ABCA13: variants seen among roughly 807,000 people sequenced by gnomAD.
ABCA13 encodes the protein ATP-binding cassette sub-family A member 13.
In ABCA13, 476 loss-of-function variants were observed where a neutral mutation model predicts 478.7. That is an observed-to-expected ratio of 0.99 (90% confidence interval 0.92 to 1.07). ABCA13 has a LOEUF of 1.07. ABCA13 is among the 50% of genes least tolerant of loss of function. ABCA13 has a pLI of 0.00. For missense variants in ABCA13, 6,060 were observed against 5,910.6 expected (o/e 1.03, Z -0.83); for synonymous variants, 2,252 against 2,158.9 (o/e 1.04, Z -1.20).
chr7:48,482,409 T>C (rs1247715967), intron 46 of ABCA13, among the ~76,000 whole-genome samples: 2 of 150,392 alleles, frequency 1.3e-5, no homozygotes, highest in Non-Finnish European at 1.5e-5. Context: ...TGAAATGGAG[T>C]CTTGCTCTGT....
intron 16 of ABCA13, 89 bp downstream of exon 16, chr7:48,269,183 A>G (rs1795267389): frequency 2.9e-6 from 2 of 694,782 alleles, no homozygotes; most frequent in South Asian, 3.7e-5. Flanking sequence ...CACTCTTTAA[A>G]ATTTATGAGC....
At chr7:48,178,612 C>G (rs1583979996) in intron 1 of ABCA13, among the ~76,000 whole-genome samples, 1 of 151,564 alleles carries the variant, frequency 6.6e-6, no homozygotes, top group East Asian at 1.9e-4. Flanking sequence ...GAGGCAGAGG[C>G]TGCAGTGAGC....
chr7:48,239,870 G>A (rs1307859111), intron 9 of ABCA13, among the ~76,000 whole-genome samples: 3 of 152,210 alleles, frequency 2.0e-5, no homozygotes, highest in Non-Finnish European at 2.9e-5. Context: ...TTAACAACAC[G>A]AAGGGAGGCT....
chr7:48,219,470 TA>T lies in ABCA13; in HGVS notation c.409del (p.Arg137AspfsTer4). 6.2e-7 allele frequency: 1 copy of T among 1,613,020 alleles called. No homozygotes were observed. Among genetic ancestry groups the T allele is most frequent in the Non-Finnish European group, 8.5e-7 (1 of 1,179,562 alleles). On this transcript the variant is annotated frameshift_variant, in exon 4 of 62. Transcript: ENST00000435803. LOFTEE classifies it high-confidence loss of function. ...GGAATGATGGACAAGGCAAAAAACTTAAAAAGACTTTGGGTAGAACGATCCA... is the reference window on the plus strand; with the variant it reads ...GGAATGATGGACAAGGCAAAAAACTTAAAAGACTTTGGGTAGAACGATCCA... ...IHGMMDKAKNLKRLWVERSNT... is the reference protein window; with the variant it reads ...IHGMMDKAKNXKRLWVERSNT...
chr7:48,293,534 A>G (rs1487804684), intron 20 of ABCA13, among the ~76,000 whole-genome samples: 3 of 152,252 alleles, frequency 2.0e-5, no homozygotes, highest in South Asian at 2.1e-4. Context: ...AATGTGATGA[A>G]GCAAATAAAT....
In ABCA13 at chr7:48,272,631, A is replaced by C; in HGVS notation, c.2965A>C (p.Thr989Pro). ...TAGAGGCTCTTCGTTGACTTTCCTT[A>C]CACAAATCTCAAAACACATTTTGGA... ...QSRGSSLTFL[T>P]QISKHILDII... Residue 989 changes from threonine to proline, a missense_variant, in exon 17 of 62, where the codon ACA becomes CCA. Transcript: ENST00000435803. 6.2e-7 allele frequency: 1 copy of C among 1,613,218 alleles called. No homozygotes were observed. The highest frequency in any genetic ancestry group is 1.1e-5 in the South Asian group (1 of 91,042).
rs1789423016 is a variant in ABCA13 at position 48,588,528 on chromosome 7, C to G, written c.14640+1240C>G. 2.0e-5 allele frequency among the ~76,000 whole-genome samples: 3 copies of G among 152,190 alleles called. No individual in the cohort carries two copies. The South Asian group carries it at 6.2e-4, about 32-fold the overall frequency. ...TTTCCTTGGATGCCCAAACCTGTGA[C>G]AGAGTGGTCAAGGTGGGGACTCTGG... On this transcript the variant is annotated intron_variant, in intron 57 of 61. Transcript: ENST00000435803.
chr7:48,524,297 G>A lies in ABCA13; in HGVS notation c.14101G>A (p.Val4701Ile). ...GTVKSSKDTD[V>I]EKEEKRVFEG... ...AGTCAAATCTTCTAAGGATACAGAT[G>A]TTGAAAAAGAGGAAAAGAGAGTGTT... Residue 4701 changes from valine to isoleucine, a missense_variant, in exon 54 of 62, where the codon GTT (valine) becomes ATT (isoleucine). This residue lies in a region of ABCA13 where 1,627 missense variants were observed against 1,571.0 expected (regional missense o/e 1.04). Coordinates refer to ENST00000435803, the MANE Select transcript of ABCA13 (RefSeq NM_152701.5). 1 of 1,612,876 alleles carries A rather than the reference G, an allele frequency of 6.2e-7. No homozygotes were observed. Among genetic ancestry groups the A allele is most frequent in the Non-Finnish European group, 8.5e-7 (1 of 1,179,444 alleles).
At chr7:48,636,658 A>G (rs1794661103) in intron 59 of ABCA13, among the ~76,000 whole-genome samples, 1 of 152,194 alleles carries the variant, frequency 6.6e-6, no homozygotes, top group South Asian at 2.1e-4. Flanking sequence ...AAATGTATCA[A>G]TAATTCCATG....
Position 48,248,342 on chromosome 7 carries a change from C to A in ABCA13, c.1763C>A (p.Ala588Glu), listed in dbSNP as rs764447898. ...GAACTTGAGATGCAGCTGTCAGAAG[C>A]AAGCCTTTCCTGTACTCGGCTCTTC... ...WQELEMQLSE[A>E]SLSCTRLFLL... Residue 588 changes from alanine to glutamate, a missense_variant, in exon 14 of 62, where the codon GCA becomes GAA. Physicochemically the swap from Ala to Glu is moderately radical, Grantham distance 107. This residue lies in a region of ABCA13 where 4,423 missense variants were observed against 4,309.1 expected (regional missense o/e 1.03). Coordinates refer to ENST00000435803, the MANE Select transcript of ABCA13 (RefSeq NM_152701.5). The A allele has an allele frequency of 2.5e-6, 4 of 1,613,852 alleles. No homozygotes were observed. The highest frequency in any genetic ancestry group is 3.4e-6 in the Non-Finnish European group (4 of 1,179,786).
chr7:48,266,408 T>C (rs1248933383), intron 15 of ABCA13, among the ~76,000 whole-genome samples: 4 of 151,836 alleles, frequency 2.6e-5, no homozygotes, highest in African/African-American at 9.7e-5. Flanking sequence ...TTAGGGTTTT[T>C]TATTAGAAGA....
intron 43 of ABCA13, among the ~76,000 whole-genome samples, chr7:48,459,023 C>T (rs1199928744): frequency 1.3e-5 from 2 of 152,150 alleles, no homozygotes; most frequent in Non-Finnish European, 2.9e-5. Flanking sequence ...CAGTTTTGTT[C>T]TGAATCAACT....
At chr7:48,297,338 T>C in intron 22 of ABCA13, 27 bp downstream of exon 22, 1 of 1,565,122 alleles carries the variant, frequency 6.4e-7, no homozygotes. Flanking sequence ...CCAAGTTTGC[T>C]TGATTAAAAA....
At chr7:48,638,451 A>G (rs537591443) in intron 59 of ABCA13, among the ~76,000 whole-genome samples, 1 of 152,340 alleles carries the variant, frequency 6.6e-6, no homozygotes, top group Admixed American at 6.5e-5. Context: ...TCAGAAGTGT[A>G]TTGAGGCTGT....
At chr7:48,383,895 T>C (rs921368792) in intron 35 of ABCA13, among the ~76,000 whole-genome samples, 2 of 152,244 alleles carry the variant, frequency 1.3e-5, no homozygotes, top group Admixed American at 1.3e-4. Context: ...GTACTGTTAA[T>C]GGCTGCTCAA....
chr7:48,594,630 G>A, intron 57 of ABCA13, 80 bp from the exon 58 acceptor site: 1 of 1,324,216 alleles, frequency 7.6e-7, no homozygotes, highest in Non-Finnish European at 1.1e-6. Flanking sequence ...TTTCACCTGG[G>A]GTCTGGCCTC....
At chr7:48,326,859 C>T (rs188910148) in intron 27 of ABCA13, among the ~76,000 whole-genome samples, 271 of 152,236 alleles carry the variant, frequency 1.8e-3, no homozygotes, top group African/African-American at 6.1e-3. Flanking sequence ...AAGGAGCTGG[C>T]CTTAAGCTGC....
chr7:48,401,329 G>A (rs1219871219), intron 38 of ABCA13, among the ~76,000 whole-genome samples: 1 of 152,130 alleles, frequency 6.6e-6, no homozygotes, highest in Non-Finnish European at 1.5e-5. Flanking sequence ...GTAGGAAAGC[G>A]TTTATGAAAT....
chr7:48,634,373 G>A (rs1794455525), intron 59 of ABCA13, among the ~76,000 whole-genome samples: 1 of 152,104 alleles, frequency 6.6e-6, no homozygotes, highest in African/African-American at 2.4e-5. Context: ...GTGAAAAATT[G>A]GTATTATTTC....
Sources: allele counts gnomAD v4.1 joint callset (sites outside exome capture counted in the v4.1 genomes callset), GRCh38; gene constraint gnomAD v4.1.1; regional missense constraint gnomAD v4.1.1; transcripts MANE v1.5; gene names NCBI Gene and HGNC (gene_info 2026-07-23, HGNC 2026-07-21).